Variants in PTPN13 observed in about 807,000 individuals in gnomAD.
The protein encoded by PTPN13 is tyrosine-protein phosphatase non-receptor type 13.
Under a neutral mutation model 284.0 loss-of-function variants are expected in PTPN13, and 191 were observed. That is an observed-to-expected ratio of 0.67 (90% CI 0.60 to 0.76). The LOEUF is 0.76. Ranked by LOEUF, PTPN13 falls within the 30% of genes least tolerant of loss-of-function variation. PTPN13 has a pLI of 0.00. For synonymous variants in PTPN13, 986 were observed against 1,022.3 expected (o/e 0.96, Z 0.68); for missense variants, 2,797 against 2,939.9 (o/e 0.95, Z 1.12).
intron 3 of PTPN13, among the ~76,000 whole-genome samples, chr4:86,685,710 G>C (rs1203955987): frequency 6.6e-6 from 1 of 152,184 alleles, no homozygotes; most frequent in African/African-American, 2.4e-5. Context: ...CTATGGAAAA[G>C]GTTTGTGAAA....
chr4:86,800,258 T>C (rs1182401982), intron 42 of PTPN13, among the ~76,000 whole-genome samples: 1 of 152,184 alleles, frequency 6.6e-6, no homozygotes, highest in Non-Finnish European at 1.5e-5. Context: ...TGAAATTCTA[T>C]CCAGTGTTTA....
At chr4:86,728,654 T>TATTTTTA (rs1264512583) in intron 10 of PTPN13, among the ~76,000 whole-genome samples, 12 of 100,972 alleles carry the variant, frequency 1.2e-4, no homozygotes, top group African/African-American at 4.2e-4. Context: ...TTTTTTTTTT[T>TATTTTTA]TTTTTTTTTT....
At chr4:86,802,804 G>T (rs981211453) in intron 42 of PTPN13, among the ~76,000 whole-genome samples, 1 of 152,178 alleles carries the variant, frequency 6.6e-6, no homozygotes, top group African/African-American at 2.4e-5. Flanking sequence ...AGGCACAATG[G>T]CTCATGCCTG....
Position 86,734,396 on chromosome 4 carries a change from C to T in PTPN13, c.1952C>T (p.Thr651Ile). 1 of 1,560,744 alleles carries T rather than the reference C, an allele frequency of 6.4e-7. No homozygotes were observed. The highest frequency in any genetic ancestry group is 8.7e-7 in the Non-Finnish European group (1 of 1,150,530). ...GAACCAAAGAAAAAGACCAAAGCCA[C>T]TGTTAATTTTACTTTGTTTTTCAGA... is the stretch of plus-strand genomic sequence containing the variant. ...KEEPKKKTKATVNFTLFFRIK... is the reference protein window; with the variant it reads ...KEEPKKKTKAIVNFTLFFRIK... The change falls in exon 13 of 48, where the codon ACT becomes ATT. Residue 651 changes from threonine to isoleucine, a missense_variant. Transcript: ENST00000411767.
chr4:86,630,895 A>G (rs997208189), intron 1 of PTPN13, among the ~76,000 whole-genome samples: 4 of 152,140 alleles, frequency 2.6e-5, no homozygotes, highest in African/African-American at 9.7e-5. Context: ...TTAAAATGAC[A>G]TCTGTTAGAA....
At chr4:86,702,891 A>G (rs1457825792) in intron 7 of PTPN13, among the ~76,000 whole-genome samples, 1 of 152,112 alleles carries the variant, frequency 6.6e-6, no homozygotes, top group Non-Finnish European at 1.5e-5. Context: ...ATTAAGGATC[A>G]TATTTATTTT....
At chr4:86,809,058 TAAA>T in intron 45 of PTPN13, among the ~76,000 whole-genome samples, 1 of 152,092 alleles carries the variant, frequency 6.6e-6, no homozygotes, top group African/African-American at 2.4e-5. Context: ...ACATTGTATT[TAAA>T]GCCACAGAGA....
At position 86,642,326 on chromosome 4, in the gene PTPN13, G is replaced by C. The variant is rs56944244; in HGVS notation, c.115+6955G>C. On this transcript the variant is annotated intron_variant, in intron 2 of 47. Transcript: ENST00000411767. ...TAAGGAGTTGCTTTTCTTCAATTAG[G>C]AAGTTAATTGTAGTTATTGAAATAA... is the stretch of plus-strand genomic sequence containing the variant. Among the ~76,000 whole-genome samples, 197 of 151,854 alleles carry C rather than the reference G, an allele frequency of 1.3e-3. 1 individual carries two copies. Among genetic ancestry groups the C allele is most frequent in the African/African-American group, 4.6e-3 (189 of 41,448 alleles).
intron 47 of PTPN13, among the ~76,000 whole-genome samples, chr4:86,813,109 CCTA>C (rs1324323202): frequency 1.3e-5 from 2 of 152,088 alleles, no homozygotes; most frequent in Non-Finnish European, 2.9e-5. Flanking sequence ...CACTTGTATT[CCTA>C]CTGTCAGAGA....
chr4:86,793,024 G>A (rs1742863482), intron 40 of PTPN13, among the ~76,000 whole-genome samples: 1 of 152,202 alleles, frequency 6.6e-6, no homozygotes, highest in African/African-American at 2.4e-5. Flanking sequence ...AACCGTAAGT[G>A]TGTATGGGCT....
At chr4:86,726,014 T>G (rs1056592566) in intron 10 of PTPN13, among the ~76,000 whole-genome samples, 1 of 149,758 alleles carries the variant, frequency 6.7e-6, no homozygotes, top group Admixed American at 6.7e-5. Context: ...AAGGAAGGGA[T>G]CCAGTTTCAG....
Position 86,701,580 on chromosome 4 carries a change from A to G in PTPN13, c.974A>G (p.His325Arg). The change falls in exon 7 of 48, where the codon CAC becomes CGC. Residue 325 changes from histidine (H) to arginine (R), a missense_variant. His to Arg is a conservative substitution (Grantham distance 29, BLOSUM62 0). Coordinates refer to ENST00000411767, the MANE Select transcript of PTPN13 (RefSeq NM_080683.3). ...GAGACTGCCACATATCGTCGTTGTC[A>G]CCCTGAGGCAGTAACAGTGCGGACT... ...SGETATYRRC[H>R]PEAVTVRTST... 6.2e-7 allele frequency: 1 copy of G among 1,613,868 alleles called. No individual in the cohort carries two copies. Among genetic ancestry groups the G allele is most frequent in the Non-Finnish European group, 8.5e-7 (1 of 1,179,810 alleles).
At chr4:86,732,117 A>G (rs2149128332) in intron 10 of PTPN13, among the ~76,000 whole-genome samples, 1 of 152,330 alleles carries the variant, frequency 6.6e-6, no homozygotes, top group African/African-American at 2.4e-5. Context: ...AAAACCCTGT[A>G]AAACAGTGTA....
rs1273548736 is a variant in PTPN13 at position 86,772,930 on chromosome 4, T to G, written c.5321T>G (p.Leu1774Trp). Residue 1774 changes from leucine (L) to tryptophan (W), a missense_variant, in exon 32 of 48, where the codon TTG (leucine) becomes TGG (tryptophan). Transcript: ENST00000411767. ...AACTGGACACCTTTGAAAAATGACT[T>G]GGAAAATCACCTTGAAGACTTTGAA... ...QENWTPLKND[L>W]ENHLEDFELE... The G allele has an allele frequency of 1.2e-6, 2 of 1,605,896 alleles. No homozygotes were observed. The highest frequency in any genetic ancestry group is 1.7e-6 in the Non-Finnish European group (2 of 1,176,404).
intron 15 of PTPN13, 66 bp from the exon 16 acceptor site, chr4:86,741,568 A>G (rs926565249): frequency 5.3e-5 from 76 of 1,422,680 alleles, no homozygotes; most frequent in Non-Finnish European, 7.3e-5. Flanking sequence ...CATATCATAC[A>G]GCTTCAATAT....
chr4:86,596,182 A>G (rs1763767917), intron 1 of PTPN13, among the ~76,000 whole-genome samples: 1 of 152,204 alleles, frequency 6.6e-6, no homozygotes, highest in South Asian at 2.1e-4. Flanking sequence ...AATTAGAACT[A>G]AAAACAGAAA....
intron 7 of PTPN13, among the ~76,000 whole-genome samples, chr4:86,705,232 G>A (rs1731617129): frequency 6.6e-6 from 1 of 151,180 alleles, no homozygotes; most frequent in Admixed American, 6.6e-5. Context: ...TATTCAGGAG[G>A]CTGAGGCAGG....
Position 86,693,688 on chromosome 4 carries a change from A to C in PTPN13, c.634+14A>C. 1.3e-6 allele frequency: 2 copies of C among 1,515,948 alleles called. No homozygotes were observed. Among genetic ancestry groups the C allele is most frequent in the Non-Finnish European group, 1.8e-6 (2 of 1,118,810 alleles). The allele number at this position is 1,515,948 out of a possible 1,614,324, so 93.9% of individuals were successfully genotyped here. ...GATTACCAACAGGTAAGAGTATATT[A>C]ATAGGAAATGTCTAGGCTTTAACCT... is the stretch of plus-strand genomic sequence containing the variant. On this transcript the variant is annotated intron_variant, in intron 6 of 47. Transcript: ENST00000411767.
At chr4:86,608,809 T>C (rs1422841890) in intron 1 of PTPN13, among the ~76,000 whole-genome samples, 2 of 152,124 alleles carry the variant, frequency 1.3e-5, no homozygotes, top group Non-Finnish European at 2.9e-5. Context: ...GGTATGGCCA[T>C]TGAGAATAGT....
Sources: gnomAD v4.1 joint callset for allele counts (sites outside exome capture counted in the v4.1 genomes callset) on GRCh38, gnomAD v4.1.1 for gene constraint, MANE v1.5 for transcripts, NCBI Gene and HGNC (gene_info 2026-07-23, HGNC 2026-07-21) for gene names.